Variants in VPS35L observed in about 807,000 individuals in gnomAD.
The protein encoded by VPS35L is VPS35 endosomal protein sorting factor like, also known as VPS35 endosomal protein-sorting factor-like.
Under a neutral mutation model 133.0 loss-of-function variants are expected in VPS35L, and 83 were observed. The ratio of observed to expected loss-of-function variants is 0.62; its 90% CI spans 0.52 to 0.75. The LOEUF (loss-of-function observed/expected upper bound fraction) is 0.75, where lower values mean the gene tolerates loss of function less well. Among genes scored for constraint, VPS35L ranks in the 30% least tolerant of loss-of-function variants. VPS35L has a pLI of 0.00. For missense variants in VPS35L, 1,083 were observed against 1,206.8 expected (o/e 0.90, Z 1.52); for synonymous variants, 423 against 449.9 (o/e 0.94, Z 0.76).
rs1252623777 is a variant in VPS35L at position 19,591,814 on chromosome 16, A to C, written c.664A>C (p.Ser222Arg). ...GTGTTCAAAGCTTCTTTCAGACACC[A>C]GTGTTATTCAGTTCTACCCAAGCAA... ...IQCSKLLSDT[S>R]VIQFYPSKFV... Residue 222 changes from serine to arginine, a missense_variant, in exon 8 of 31, where the codon AGT becomes CGT. Ser to Arg is a moderately radical substitution (Grantham distance 110, BLOSUM62 -1). Coordinates refer to ENST00000417362, the MANE Select transcript of VPS35L (RefSeq NM_020314.7). The C allele has an allele frequency of 3.7e-6, 6 of 1,612,706 alleles. No homozygotes were observed. The African/African-American group carries it at 6.7e-5, about 18-fold the overall frequency.
chr16:19,669,653 TTCTC>T (rs1974810215), intron 27 of VPS35L, among the ~76,000 whole-genome samples: 1 of 134,846 alleles, frequency 7.4e-6, no homozygotes, highest in Non-Finnish European at 1.6e-5. Flanking sequence ...GACAACCATC[TTCTC>T]TCTCTTTCTG....
intron 27 of VPS35L, among the ~76,000 whole-genome samples, chr16:19,679,536 C>T (rs935431787): frequency 5.7e-4 from 86 of 150,918 alleles, no homozygotes; most frequent in Admixed American, 1.9e-3. Context: ...GACAGAGTCT[C>T]GCACTGTCAC....
intron 26 of VPS35L, 115 bp downstream of exon 26, chr16:19,652,205 C>T (rs1974153838): frequency 3.9e-6 from 3 of 761,330 alleles, no homozygotes; most frequent in Non-Finnish European, 6.7e-6. Context: ...GAGACAGAGT[C>T]TCACTCTGTC....
chr16:19,602,457 A>G lies in VPS35L; in HGVS notation c.784+734A>G, dbSNP rs139605132. Among the ~76,000 whole-genome samples the G allele has an allele frequency of 4.9e-3, 744 of 152,074 alleles. 5 individuals carry two copies. The highest frequency in any genetic ancestry group is 8.9e-3 in the Non-Finnish European group (608 of 67,976). Reference sequence around the variant, plus strand: ...TAGAAAGTGTTTGTGACAGTAACCTATAACCTGACCTATATTCTTCCTTCT... The same window carrying G: ...TAGAAAGTGTTTGTGACAGTAACCTGTAACCTGACCTATATTCTTCCTTCT... On this transcript the variant is annotated intron_variant, in intron 9 of 30. Coordinates refer to ENST00000417362, the MANE Select transcript of VPS35L (RefSeq NM_020314.7).
chr16:19,594,177 A>G (rs184231257), intron 8 of VPS35L, among the ~76,000 whole-genome samples: 6 of 152,276 alleles, frequency 3.9e-5, no homozygotes, highest in African/African-American at 1.4e-4. Context: ...GGGTCACCCC[A>G]AAACTAAAAG....
At chr16:19,628,777 TTTTATTTATTTATTTA>T (rs71375656) in intron 17 of VPS35L, 24 bp downstream of exon 17, 7 of 787,392 alleles carry the variant, frequency 8.9e-6, no homozygotes, top group Non-Finnish European at 1.2e-5. Flanking sequence ...TTATTTTTAT[TTTTATTTATTTATTTA>T]TTTATTTATT....
chr16:19,607,500 C>G (rs917175371), intron 9 of VPS35L, among the ~76,000 whole-genome samples: 1 of 152,150 alleles, frequency 6.6e-6, no homozygotes, highest in Non-Finnish European at 1.5e-5. Flanking sequence ...CAGGAAAATG[C>G]GAGTTCTTTT....
chr16:19,653,891 G>C (rs7195836), intron 26 of VPS35L, among the ~76,000 whole-genome samples: 20,095 of 152,072 alleles, frequency 0.13, 2,138 homozygotes, highest in African/African-American at 0.28. Flanking sequence ...ACTCGGCTTG[G>C]TTTTGCTTCT....
At chr16:19,642,203 C>G (rs559814359) in intron 21 of VPS35L, among the ~76,000 whole-genome samples, 193 bp from the exon 22 acceptor site, 8 of 152,266 alleles carry the variant, frequency 5.3e-5, no homozygotes, top group African/African-American at 1.9e-4. Context: ...GAGTGAGACT[C>G]TGTCTCAAAA....
intron 2 of VPS35L, among the ~76,000 whole-genome samples, chr16:19,567,499 GGTATTAA>G (rs1426361361): frequency 6.6e-6 from 1 of 152,098 alleles, no homozygotes; most frequent in African/African-American, 2.4e-5. Flanking sequence ...TAAAAATTGG[GGTATTAA>G]GTATTAAGCC....
In VPS35L at chr16:19,591,870, A is replaced by G; in HGVS notation, c.720A>G (p.Thr240=). 1.3e-6 allele frequency: 2 copies of G among 1,597,874 alleles called. No homozygotes were observed. The highest frequency in any genetic ancestry group is 1.7e-4 in the Middle Eastern group (1 of 6,032). The change falls in exon 8 of 31, where the codon ACA becomes ACG. Residue 240 remains threonine (T), a synonymous_variant. Coordinates refer to ENST00000417362, the MANE Select transcript of VPS35L (RefSeq NM_020314.7). ...KFVLITDILD[T]FGKLVYERIF... is the part of the protein sequence containing the mutation. The stretch of plus-strand genomic sequence containing the variant: ...TCCTTATCACCGACATACTTGATAC[A>G]TTTGGTAAGTACCTGTCATATGCAT...
chr16:19,693,037 A>G (rs968067699), intron 29 of VPS35L, among the ~76,000 whole-genome samples: 6 of 152,204 alleles, frequency 3.9e-5, no homozygotes, highest in African/African-American at 1.4e-4. Flanking sequence ...GGGGGCCCGT[A>G]GCACCTTCTG....
In VPS35L at chr16:19,604,492, G is replaced by T. The variant is rs226894; in HGVS notation, c.784+2769G>T. ...GATCTTGAGCAAAGCAAATGATTTGGTTTTTTTTTCTTTAAATGATATCAT... is the reference window on the plus strand; with the variant it reads ...GATCTTGAGCAAAGCAAATGATTTGTTTTTTTTTTCTTTAAATGATATCAT... On this transcript the variant is annotated intron_variant, in intron 9 of 30. Transcript: ENST00000417362. Among the ~76,000 whole-genome samples the T allele has an allele frequency of 6.6e-3, 1,004 of 151,294 alleles. 4 individuals carry two copies. Among genetic ancestry groups the T allele is most frequent in the Middle Eastern group, 0.01 (3 of 294 alleles).
chr16:19,665,822 C>A (rs1382353576), intron 26 of VPS35L, among the ~76,000 whole-genome samples: 1 of 152,188 alleles, frequency 6.6e-6, no homozygotes, highest in African/African-American at 2.4e-5. Context: ...CCCCTTTTCT[C>A]CACATTCTCA....
chr16:19,577,307 G>A (rs1971569571), intron 5 of VPS35L, among the ~76,000 whole-genome samples: 1 of 152,134 alleles, frequency 6.6e-6, no homozygotes, highest in Non-Finnish European at 1.5e-5. Flanking sequence ...AGGGAGGAGA[G>A]AGAGGGAGAA....
chr16:19,631,644 T>C (rs1470969626), intron 18 of VPS35L, among the ~76,000 whole-genome samples: 2 of 152,250 alleles, frequency 1.3e-5, no homozygotes, highest in Non-Finnish European at 2.9e-5. Flanking sequence ...TTTTGAAGCA[T>C]ATCTCAGACA....
Position 19,569,480 on chromosome 16 carries a change from C to T in VPS35L, c.174C>T (p.Ser58=). 6.4e-7 allele frequency: 1 copy of T among 1,572,056 alleles called. No individual in the cohort carries two copies. Among genetic ancestry groups the T allele is most frequent in the African/African-American group, 1.4e-5 (1 of 73,730 alleles). ...GGAAAGGAAGCACTTCTTCCACGTC[C>T]TCCTCCTCCTCCAGCTCCGTGGTGG... The part of the protein sequence containing the change: ...VNRKGSTSST[S]SSSSSSVVDP... Residue 58 remains serine, a synonymous_variant, in exon 3 of 31, where the codon TCC becomes TCT. Transcript: ENST00000417362.
At chr16:19,674,184 CT>C (rs201038834) in intron 27 of VPS35L, among the ~76,000 whole-genome samples, 496 of 70,914 alleles carry the variant, frequency 7.0e-3, no homozygotes, top group African/African-American at 0.014. Flanking sequence ...TTTTCTTTTT[CT>C]TTTTTTTTTT....
chr16:19,700,846 G>A lies in VPS35L; in HGVS notation c.*370G>A. On this transcript the variant is annotated 3_prime_UTR_variant, in exon 31 of 31. Transcript: ENST00000417362. Reference sequence around the variant, plus strand: ...GTTTAGAAATAAGGACTTTAAAAGTGGACTGCTTTTCAAAGTGCCACTGTT... The same window carrying A: ...GTTTAGAAATAAGGACTTTAAAAGTAGACTGCTTTTCAAAGTGCCACTGTT... 5.0e-6 allele frequency: 1 copy of A among 201,376 alleles called. No homozygotes were observed. The highest frequency in any genetic ancestry group is 1.0e-5 in the Non-Finnish European group (1 of 98,172). The allele number at this position is 201,376 out of a possible 1,614,324, so 12.5% of individuals were successfully genotyped here.
Sources: gnomAD v4.1 joint callset for allele counts (sites outside exome capture counted in the v4.1 genomes callset) on GRCh38, gnomAD v4.1.1 for gene constraint, MANE v1.5 for transcripts, NCBI Gene and HGNC (gene_info 2026-07-23, HGNC 2026-07-21) for gene names.